SH2D3A: variants seen among roughly 807,000 people sequenced by gnomAD.
SH2D3A encodes the protein SH2 domain containing 3A.
A neutral mutation model predicts 50.6 loss-of-function variants in SH2D3A; 46 were observed. The ratio of observed to expected loss-of-function variants is 0.91; its 90% confidence interval spans 0.72 to 1.16. The LOEUF (loss-of-function observed/expected upper bound fraction) is 1.16, where lower values mean the gene tolerates loss of function less well. SH2D3A is among the 50% of genes most tolerant of loss of function. The pLI, the probability that SH2D3A is intolerant of heterozygous loss-of-function variation, is 0.00. For missense variants in SH2D3A, 783 were observed against 786.2 expected (o/e 1.00, Z 0.05); for synonymous variants, 377 against 348.4 (o/e 1.08, Z -0.91).
rs1275025058 is a variant in SH2D3A, at chr19:6,755,096, G to A, written c.716C>T (p.Pro239Leu). ...GCTCGGGGATGTTCCCTGGACACTGGGCACTCGGGGCACCAGCTCGCAGTA... is the reference window on the plus strand; with the variant it reads ...GCTCGGGGATGTTCCCTGGACACTGAGCACTCGGGGCACCAGCTCGCAGTA... ...PTYCELVPRV[P>L]SVQGTSPSQS... Residue 239 changes from proline (P) to leucine (L), a missense_variant, in exon 5 of 10, where the codon CCC becomes CTC. Pro to Leu is a moderately conservative substitution (Grantham distance 98). Transcript: ENST00000245908. 6.2e-7 allele frequency: 1 copy of A among 1,613,906 alleles called. No homozygotes were observed. Among genetic ancestry groups the A allele is most frequent in the African/African-American group, 1.3e-5 (1 of 74,876 alleles).
chr19:6,753,417 G>A lies in SH2D3A; in HGVS notation c.1570+39C>T. The A allele has an allele frequency of 2.1e-6, 3 of 1,443,354 alleles. No individual in the cohort carries two copies. The South Asian group carries it at 4.3e-5, about 21-fold the overall frequency. The allele number at this position is 1,443,354 out of a possible 1,614,324, so 89.4% of individuals were successfully genotyped here. A position where few individuals can be genotyped will look rare whatever the true frequency, so the allele number is the denominator to read the frequency against. ...GGGATCCGGTTAGAACCTGCAGGGT[G>A]CTCTGAAGTCTGCAGTCCAGCGCAG... On this transcript the variant is annotated intron_variant, in intron 9 of 9. Coordinates refer to ENST00000245908, the MANE Select transcript of SH2D3A (RefSeq NM_005490.3).
At chr19:6,761,161 A>G (rs1969995716) in intron 2 of SH2D3A, 174 bp from the exon 3 acceptor site, 1 of 602,208 alleles carries the variant, frequency 1.7e-6, no homozygotes, top group Non-Finnish European at 2.9e-6. Context: ...TTCTCCTGGC[A>G]CCTACGTAGA....
chr19:6,766,529 G>C (rs764511137), intron 1 of SH2D3A, among the ~76,000 whole-genome samples: 2 of 152,214 alleles, frequency 1.3e-5, no homozygotes, highest in African/African-American at 4.8e-5. Flanking sequence ...GGGAGGACGT[G>C]GAGGGTGGGA....
chr19:6,766,453 G>C (rs961842079), intron 1 of SH2D3A, among the ~76,000 whole-genome samples: 2 of 152,206 alleles, frequency 1.3e-5, no homozygotes, highest in Non-Finnish European at 2.9e-5. Flanking sequence ...ATCAGACCAA[G>C]CATAGAGAGA....
chr19:6,761,109 C>G, intron 2 of SH2D3A, 122 bp from the exon 3 acceptor site: 1 of 758,320 alleles, frequency 1.3e-6, no homozygotes, highest in Admixed American at 3.0e-5. Context: ...ACTTCTGTGG[C>G]AGGCAAAGAC....
At chr19:6,753,919 A>C (rs753015133) in intron 8 of SH2D3A, 133 bp downstream of exon 8, 2 of 1,150,538 alleles carry the variant, frequency 1.7e-6, no homozygotes, top group Non-Finnish European at 2.4e-6. Context: ...ACCAACCCTC[A>C]TGTGGAGGGC....
At chr19:6,762,885 C>T (rs1413873514) in intron 2 of SH2D3A, among the ~76,000 whole-genome samples, 2 of 151,854 alleles carry the variant, frequency 1.3e-5, no homozygotes, top group Non-Finnish European at 2.9e-5. Context: ...CCCAAGGTCA[C>T]ATACAATATA....
Position 6,752,591 on chromosome 19 carries a change from T to G in SH2D3A, c.*2A>C, listed in dbSNP as rs1409953574. ...CGGGTGTGAAGAAGGGTGTCTGCGC[T>G]CTCAGCGGTCAGGCTCCAGGCGCTG... On this transcript the variant is annotated 3_prime_UTR_variant, in exon 10 of 10. Coordinates refer to ENST00000245908, the MANE Select transcript of SH2D3A (RefSeq NM_005490.3). 3.2e-6 allele frequency: 5 copies of G among 1,544,078 alleles called. No homozygotes were observed. Among genetic ancestry groups the G allele is most frequent in the African/African-American group, 1.4e-5 (1 of 73,596 alleles).
intron 1 of SH2D3A, 87 bp from the exon 2 acceptor site, chr19:6,763,903 A>ATATTTTTT: frequency 3.7e-6 from 1 of 266,772 alleles, no homozygotes. Context: ...GCTCCATCAA[A>ATATTTTTT]TCTTTTTTTT....
intron 2 of SH2D3A, 81 bp from the exon 3 acceptor site, chr19:6,761,068 C>T (rs1381940273): frequency 4.4e-6 from 5 of 1,126,204 alleles, no homozygotes; most frequent in Non-Finnish European, 6.2e-6. Flanking sequence ...CACCATTGCC[C>T]CCACCACCCA....
chr19:6,754,528 G>T, intron 6 of SH2D3A, 88 bp downstream of exon 6: 1 of 1,588,078 alleles, frequency 6.3e-7, no homozygotes, highest in Non-Finnish European at 8.6e-7. Context: ...TTCTTCCCTG[G>T]GGAACCATGA....
rs1223659694 is a variant in SH2D3A, at chr19:6,752,706, C to G, written c.1618G>C (p.Val540Leu). The G allele has an allele frequency of 4.5e-6, 7 of 1,552,532 alleles. No homozygotes were observed. The East Asian group carries it at 1.7e-4, about 38-fold the overall frequency. ...ELREALTTGF[V>L]RRLLWGSRGA... The stretch of plus-strand genomic sequence containing the variant: ...CGGCTACCCCAGAGCAGCCTCCGCA[C>G]GAAGCCGGTGGTCAGGGCCTCCCTC... Residue 540 changes from valine (V) to leucine (L), a missense_variant, in exon 10 of 10, where the codon GTG (valine) becomes CTG (leucine). Physicochemically the swap from Val to Leu is conservative, Grantham distance 32. Transcript: ENST00000245908.
At position 6,754,080 on chromosome 19, in the gene SH2D3A, C is replaced by T. The variant is rs376539450; in HGVS notation, c.1356G>A (p.Pro452=). 3.4e-5 allele frequency: 55 copies of T among 1,610,324 alleles called. No homozygotes were observed. Among genetic ancestry groups the T allele is most frequent in the Non-Finnish European group, 4.4e-5 (52 of 1,177,970 alleles). Residue 452 remains proline (P), a synonymous_variant, in exon 8 of 10, where the codon CCG becomes CCA. Transcript: ENST00000245908. ...AALAFEQELK[P]LMRALDEGAG... ...CGCCCTCATCCAGAGCCCGCATCAGCGGCTTCAGCTCCTGCTCAAAGGCCA... is the reference window on the plus strand; with the variant it reads ...CGCCCTCATCCAGAGCCCGCATCAGTGGCTTCAGCTCCTGCTCAAAGGCCA...
intron 4 of SH2D3A, chr19:6,758,758 G>A (rs370337078): frequency 9.2e-5 from 14 of 152,436 alleles, no homozygotes; most frequent in African/African-American, 3.4e-4. Flanking sequence ...ACTCCGTGCA[G>A]GGCCTGGGAT....
chr19:6,763,692 G>A lies in SH2D3A; in HGVS notation c.57C>T (p.Leu19=). Residue 19 remains leucine, a synonymous_variant, in exon 2 of 10, where the codon CTC becomes CTT. Coordinates refer to ENST00000245908, the MANE Select transcript of SH2D3A (RefSeq NM_005490.3). ...CTGTGGGTGGTACCTGGCGGGACAG[G>A]AGGCCGTGGTACCAAGGTTGGCCAG... ...DLAGQPWYHG[L]LSRQKAEALL... is the part of the protein sequence containing the mutation. 1 of 1,612,522 alleles carries A rather than the reference G, an allele frequency of 6.2e-7. No homozygotes were observed. The highest frequency in any genetic ancestry group is 8.5e-7 in the Non-Finnish European group (1 of 1,179,626).
chr19:6,753,936 T>A lies in SH2D3A; in HGVS notation c.1384+116A>T, dbSNP rs1969485701. The A allele has an allele frequency of 3.1e-6, 4 of 1,272,080 alleles. No homozygotes were observed. The Admixed American group carries it at 1.2e-4, about 37-fold the overall frequency. 78.8% of individuals were successfully genotyped at this position (1,272,080 alleles called of 1,614,324 possible). A position where few individuals can be genotyped will look rare whatever the true frequency, so the allele number is the denominator to read the frequency against. ...CAACCCTCATGTGGAGGGCGGGGCC[T>A]ATGGTGAAGGGACCGGGCCTAGAAC... On this transcript the variant is annotated intron_variant, in intron 8 of 9. Transcript: ENST00000245908.
chr19:6,767,006 A>G (rs1267979618), intron 1 of SH2D3A, among the ~76,000 whole-genome samples: 3 of 152,116 alleles, frequency 2.0e-5, no homozygotes, highest in African/African-American at 7.2e-5. Flanking sequence ...GAATACGATG[A>G]GGAAGGAGTA....
intron 1 of SH2D3A, among the ~76,000 whole-genome samples, chr19:6,765,467 G>A (rs1251371045): frequency 6.6e-6 from 1 of 152,096 alleles, no homozygotes; most frequent in Non-Finnish European, 1.5e-5. Flanking sequence ...AACGCTGGGG[G>A]CCAGGCGCGG....
rs745406105 is a variant in SH2D3A, at chr19:6,754,747, G to A, written c.982-16C>T. ...GGCCTGTGGCCTGCAGAAGGGAATG[G>A]GGAAGTCAGGTGAAGCGTGATTATG... On this transcript the variant is annotated splice_polypyrimidine_tract_variant and intron_variant, in intron 5 of 9. Transcript: ENST00000245908. 1 of 1,613,876 alleles carries A rather than the reference G, an allele frequency of 6.2e-7. No individual in the cohort carries two copies. Among genetic ancestry groups the A allele is most frequent in the South Asian group, 1.1e-5 (1 of 91,076 alleles).
Sources: gnomAD v4.1 joint callset for allele counts (sites outside exome capture counted in the v4.1 genomes callset) on GRCh38, gnomAD v4.1.1 for gene constraint, MANE v1.5 for transcripts, NCBI Gene and HGNC (gene_info 2026-07-23, HGNC 2026-07-21) for gene names.